EXOC4: variants seen among roughly 807,000 people sequenced by gnomAD.
EXOC4 encodes exocyst complex component 4.
EXOC4 carries 71 observed loss-of-function variants against 107.2 expected under a neutral mutation model. The ratio of observed to expected loss-of-function variants is 0.66; its 90% confidence interval spans 0.55 to 0.81. The LOEUF (loss-of-function observed/expected upper bound fraction) is 0.81, where lower values mean the gene tolerates loss of function less well. Ranked by LOEUF, EXOC4 falls within the 30% of genes least tolerant of loss-of-function variation. The probability of loss-of-function intolerance (pLI) is 0.00; values close to 1 mark genes in which losing one functional copy is unlikely to be tolerated. For missense variants in EXOC4, 1,108 were observed against 1,189.6 expected, an observed-to-expected ratio of 0.93 and a Z score of 1.01; for synonymous variants, 456 against 441.2, an observed-to-expected ratio of 1.03 and a Z score of -0.42.
intron 9 of EXOC4, among the ~76,000 whole-genome samples, chr7:133,611,071 G>T (rs1286714787): frequency 6.6e-6 from 1 of 151,494 alleles, no homozygotes; most frequent in Non-Finnish European, 1.5e-5. Flanking sequence ...CCCAAAGGCT[G>T]GGATTACAGG....
intron 5 of EXOC4, among the ~76,000 whole-genome samples, chr7:133,340,987 T>C (rs1384916696): frequency 6.6e-6 from 1 of 152,094 alleles, no homozygotes; most frequent in Non-Finnish European, 1.5e-5. Context: ...GTTTTATTAA[T>C]TTTTTTGTAT....
the EXOC4 span, among the ~76,000 whole-genome samples, chr7:134,095,013 ATC>A: frequency 6.6e-6 from 1 of 152,066 alleles, no homozygotes; most frequent in Non-Finnish European, 1.5e-5. Flanking sequence ...AAGTCAAACT[ATC>A]TCTCTTTGTG....
chr7:133,580,529 T>G (rs1370540369), intron 9 of EXOC4, among the ~76,000 whole-genome samples: 2 of 152,216 alleles, frequency 1.3e-5, no homozygotes, highest in Non-Finnish European at 2.9e-5. Context: ...AATATATTGA[T>G]TTTTAAGTTA....
chr7:134,067,721 T>G (rs1472513241), downstream of EXOC4, among the ~76,000 whole-genome samples: 1 of 151,756 alleles, frequency 6.6e-6, no homozygotes, highest in African/African-American at 2.4e-5. Context: ...CTTCTATATT[T>G]TTGGTTACTT....
At chr7:133,660,043 A>C (rs917886517) in intron 10 of EXOC4, among the ~76,000 whole-genome samples, 1 of 152,222 alleles carries the variant, frequency 6.6e-6, no homozygotes, top group Non-Finnish European at 1.5e-5. Context: ...CTGCAGTGTC[A>C]TGGAGTTACC....
At chr7:134,059,590 A>C (rs760594563) in intron 17 of EXOC4, among the ~76,000 whole-genome samples, 13 of 152,230 alleles carry the variant, frequency 8.5e-5, no homozygotes, top group South Asian at 2.1e-4. Context: ...GCAACTTGGC[A>C]GCATTGTCAA....
intron 8 of EXOC4, among the ~76,000 whole-genome samples, chr7:133,476,266 A>G (rs1394571081): frequency 6.6e-6 from 1 of 152,168 alleles, no homozygotes; most frequent in East Asian, 1.9e-4. Flanking sequence ...TGTATTTTTA[A>G]TACTTTTGTA....
intron 14 of EXOC4, among the ~76,000 whole-genome samples, chr7:133,967,463 G>A (rs1037931410): frequency 7.2e-4 from 110 of 152,276 alleles, no homozygotes; most frequent in African/African-American, 2.6e-3. Context: ...CTGTGGACAT[G>A]TAGTGCTACA....
intron 12 of EXOC4, among the ~76,000 whole-genome samples, chr7:133,909,919 ATTTTTTTTTTTT>A (rs764890539): frequency 1.5e-4 from 11 of 75,476 alleles, no homozygotes; most frequent in Non-Finnish European, 2.6e-4. Flanking sequence ...GTTGAGACAG[ATTTTTTTTTTTT>A]TTTTTTTTTT....
intron 13 of EXOC4, among the ~76,000 whole-genome samples, chr7:133,922,418 T>C (rs530826247): frequency 2.0e-5 from 3 of 152,276 alleles, no homozygotes; most frequent in African/African-American, 7.2e-5. Flanking sequence ...ATTATATATA[T>C]ATATTTATTT....
intron 17 of EXOC4, among the ~76,000 whole-genome samples, chr7:134,015,005 T>C (rs1035598220): frequency 6.6e-6 from 1 of 152,176 alleles, no homozygotes; most frequent in Admixed American, 6.5e-5. Flanking sequence ...TTAGTCTTCA[T>C]AGGAATTATC....
At chr7:133,770,192 A>G (rs1180613791) in intron 10 of EXOC4, among the ~76,000 whole-genome samples, 1 of 151,942 alleles carries the variant, frequency 6.6e-6, no homozygotes, top group Admixed American at 6.6e-5. Flanking sequence ...CTAAGCATTT[A>G]GCTTGTATTA....
chr7:133,679,282 T>C (rs1201991812), intron 10 of EXOC4, among the ~76,000 whole-genome samples: 1 of 152,210 alleles, frequency 6.6e-6, no homozygotes, highest in Non-Finnish European at 1.5e-5. Flanking sequence ...ATAGGGCCTT[T>C]TTTTCCCTTT....
At chr7:134,045,596 AT>A (rs1460839641) in intron 17 of EXOC4, among the ~76,000 whole-genome samples, 3 of 152,218 alleles carry the variant, frequency 2.0e-5, no homozygotes, top group Non-Finnish European at 4.4e-5. Flanking sequence ...TAGGATTTGC[AT>A]TTTTATAACA....
chr7:133,746,419 TCA>T (rs1303110769), intron 10 of EXOC4, among the ~76,000 whole-genome samples: 1 of 152,164 alleles, frequency 6.6e-6, no homozygotes, highest in Non-Finnish European at 1.5e-5. Flanking sequence ...ATTAATGAAC[TCA>T]CAGATTCCTT....
At chr7:133,281,318 A>C (rs1350194802) in intron 2 of EXOC4, among the ~76,000 whole-genome samples, 1 of 150,774 alleles carries the variant, frequency 6.6e-6, no homozygotes, top group East Asian at 1.9e-4. Context: ...ATAAAAAGAA[A>C]ATTCAATAAA....
intron 9 of EXOC4, among the ~76,000 whole-genome samples, chr7:133,504,011 A>G (rs1366875058): frequency 1.3e-5 from 2 of 152,068 alleles, no homozygotes; most frequent in Non-Finnish European, 1.5e-5. Context: ...ATATGTATAC[A>G]TACACACACG....
chr7:133,283,135 G>A (rs542684731), intron 2 of EXOC4, among the ~76,000 whole-genome samples: 13 of 152,224 alleles, frequency 8.5e-5, no homozygotes, highest in Admixed American at 2.0e-4. Flanking sequence ...AGACAGGGTC[G>A]CACTCTGTTG....
intron 5 of EXOC4, among the ~76,000 whole-genome samples, chr7:133,342,252 A>G (rs1795679645): frequency 6.6e-6 from 1 of 152,054 alleles, no homozygotes. Context: ...TTCTCTTAGC[A>G]TTTGTTTGTC....
Sources: gnomAD v4.1 joint callset for allele counts (sites outside exome capture counted in the v4.1 genomes callset) on GRCh38, gnomAD v4.1.1 for gene constraint, MANE v1.5 for transcripts, NCBI Gene and HGNC (gene_info 2026-07-23, HGNC 2026-07-21) for gene names.